LIN54: variants seen among roughly 807,000 people sequenced by gnomAD.
LIN54 encodes the protein protein lin-54 homolog.
LIN54 carries 9 observed loss-of-function variants against 78.7 expected under a neutral mutation model. That is an observed-to-expected ratio of 0.11 (90% CI 0.07 to 0.20). The LOEUF (loss-of-function observed/expected upper bound fraction) is 0.20. LIN54 is among the 10% of genes least tolerant of loss of function. LIN54 has a pLI of 1.00. For synonymous variants in LIN54, 269 were observed against 318.4 expected (o/e 0.84, Z 1.65); for missense variants, 573 against 889.9 (o/e 0.64, Z 4.53).
chr4:82,947,618 T>G (rs1723513970), intron 4 of LIN54, among the ~76,000 whole-genome samples: 2 of 152,226 alleles, frequency 1.3e-5, no homozygotes, highest in South Asian at 4.1e-4. Flanking sequence ...TTTTCTTTGG[T>G]CTGACAAAAG....
intron 11 of LIN54, among the ~76,000 whole-genome samples, chr4:82,931,639 C>A (rs1175362818): frequency 6.6e-6 from 1 of 152,056 alleles, no homozygotes; most frequent in Non-Finnish European, 1.5e-5. Context: ...ACTTCAGATT[C>A]CCCAAACCCT....
At chr4:82,991,305 G>A (rs1295383587) in intron 1 of LIN54, among the ~76,000 whole-genome samples, 1 of 151,892 alleles carries the variant, frequency 6.6e-6, no homozygotes, top group African/African-American at 2.4e-5. Flanking sequence ...TTTTGATGCT[G>A]TTATAAATGG....
chr4:82,948,765 C>T (rs1357465888), intron 4 of LIN54, among the ~76,000 whole-genome samples: 1 of 152,134 alleles, frequency 6.6e-6, no homozygotes, highest in African/African-American at 2.4e-5. Context: ...TTCCAGATTC[C>T]ACATATGTGA....
chr4:82,987,930 G>A (rs1056575495), intron 1 of LIN54, among the ~76,000 whole-genome samples: 2 of 152,154 alleles, frequency 1.3e-5, no homozygotes, highest in African/African-American at 4.8e-5. Context: ...GGTATTTCTG[G>A]TTCTATATCC....
intron 5 of LIN54, among the ~76,000 whole-genome samples, chr4:82,942,108 TAGAA>T (rs1310889877): frequency 6.6e-6 from 1 of 150,518 alleles, no homozygotes; most frequent in Non-Finnish European, 1.5e-5. Context: ...TTTCCTTAGA[TAGAA>T]AGGCTACTAT....
intron 4 of LIN54, among the ~76,000 whole-genome samples, chr4:82,969,963 AC>A (rs1227857305): frequency 1.3e-5 from 2 of 152,102 alleles, no homozygotes; most frequent in African/African-American, 4.8e-5. Context: ...TTTTAAAGTT[AC>A]ATTTAATATT....
intron 1 of LIN54, among the ~76,000 whole-genome samples, chr4:82,986,817 T>C (rs1037784385): frequency 6.6e-6 from 1 of 152,078 alleles, no homozygotes. Flanking sequence ...AAACCATCAT[T>C]ATTGAGTGCT....
chr4:82,995,746 G>A (rs553715270), intron 1 of LIN54, among the ~76,000 whole-genome samples: 3 of 151,606 alleles, frequency 2.0e-5, no homozygotes, highest in Admixed American at 6.6e-5. Context: ...CCACCCACCC[G>A]CCTCGGTCTC....
chr4:82,991,180 C>T (rs1199571480), intron 1 of LIN54, among the ~76,000 whole-genome samples: 1 of 147,152 alleles, frequency 6.8e-6, no homozygotes, highest in Non-Finnish European at 1.5e-5. Flanking sequence ...AAAAAAGACC[C>T]ATGGAAAATT....
intron 1 of LIN54, among the ~76,000 whole-genome samples, chr4:83,006,521 T>C (rs1729385982): frequency 6.6e-6 from 1 of 150,682 alleles, no homozygotes; most frequent in Admixed American, 6.6e-5. Flanking sequence ...GACAGGACCA[T>C]TCATACTCCA....
rs1725538337 is a variant in LIN54 at position 82,970,377 on chromosome 4, T to C, written c.901A>G (p.Thr301Ala). 5.0e-6 allele frequency: 8 copies of C among 1,613,366 alleles called. No homozygotes were observed. Among genetic ancestry groups the C allele is most frequent in the Non-Finnish European group, 5.9e-6 (7 of 1,179,624 alleles). Residue 301 changes from threonine (T) to alanine (A), a missense_variant, in exon 4 of 13, where the codon ACA becomes GCA. This residue lies in a region of LIN54 where 199 missense variants were observed against 260.9 expected (regional missense o/e 0.76). Coordinates refer to ENST00000340417, the MANE Select transcript of LIN54 (RefSeq NM_194282.4). ...ATGGCTATTTTATTTGGTGTCTGTG[T>C]TGTAGAATTTAAAGTTGATCCAATA... ...GVIGSTLNST[T>A]QTPNKIAISP...
intron 7 of LIN54, among the ~76,000 whole-genome samples, chr4:82,939,277 C>G (rs1458693193): frequency 6.6e-6 from 1 of 152,234 alleles, no homozygotes; most frequent in Non-Finnish European, 1.5e-5. Context: ...TATTTTCTAT[C>G]ATATCGCCAC....
At chr4:83,002,762 T>C (rs1338197659) in intron 1 of LIN54, among the ~76,000 whole-genome samples, 1 of 152,190 alleles carries the variant, frequency 6.6e-6, no homozygotes, top group East Asian at 1.9e-4. Flanking sequence ...CATACTTTAT[T>C]GTAAGAATAT....
chr4:82,929,696 C>T (rs1413515118), intron 12 of LIN54, among the ~76,000 whole-genome samples: 3 of 151,828 alleles, frequency 2.0e-5, no homozygotes, highest in African/African-American at 4.8e-5. Context: ...ATCCCAGCTA[C>T]TTAGGAGGCT....
In LIN54 at chr4:83,005,614, G is replaced by A. The variant is rs1578672087; in HGVS notation, c.-33+4870C>T. ...CACTCCAGCCTCAGCGACAGAGCAA[G>A]ACTCCATCTCAGAAAAAAAAAAAAA... On this transcript the variant is annotated intron_variant, in intron 1 of 12. Transcript: ENST00000340417. 3.5e-5 allele frequency among the ~76,000 whole-genome samples: 5 copies of A among 142,232 alleles called. 1 individual carries two copies. The Middle Eastern group carries it at 0.012, about 336-fold the overall frequency. The allele number at this position is 142,232 out of a possible 152,430, so 93.3% of individuals were successfully genotyped here.
intron 3 of LIN54, among the ~76,000 whole-genome samples, chr4:82,976,961 A>AG (rs1413373100): frequency 1.3e-5 from 2 of 152,334 alleles, no homozygotes; most frequent in East Asian, 3.9e-4. Flanking sequence ...AGGGCTATTA[A>AG]GTCCATGCAC....
At chr4:82,984,024 A>T (rs1169254201) in intron 2 of LIN54, 137 bp downstream of exon 2, 4 of 644,502 alleles carry the variant, frequency 6.2e-6, no homozygotes, top group Non-Finnish European at 1.0e-5. Context: ...AAAAACACAC[A>T]CACACAATTA....
chr4:82,969,509 A>G (rs569586076), intron 4 of LIN54, among the ~76,000 whole-genome samples: 1 of 152,210 alleles, frequency 6.6e-6, no homozygotes, highest in Admixed American at 6.5e-5. Context: ...AATAAACTGT[A>G]TGAGATAACA....
intron 4 of LIN54, among the ~76,000 whole-genome samples, chr4:82,957,900 G>A (rs1184322741): frequency 6.6e-6 from 1 of 152,098 alleles, no homozygotes; most frequent in East Asian, 1.9e-4. Context: ...CACATAGTAA[G>A]CACTCAGTAA....
Sources: allele counts gnomAD v4.1 joint callset (sites outside exome capture counted in the v4.1 genomes callset), GRCh38; gene constraint gnomAD v4.1.1; regional missense constraint gnomAD v4.1.1; transcripts MANE v1.5; gene names NCBI Gene and HGNC (gene_info 2026-07-23, HGNC 2026-07-21).